Variants in FAM83E observed in about 807,000 individuals in gnomAD.
FAM83E encodes the protein scaffolding CK1 anchoring protein E.
FAM83E carries 29 observed loss-of-function variants against 34.3 expected under a neutral mutation model. That is an observed-to-expected ratio of 0.85 (90% CI 0.63 to 1.15). The LOEUF (loss-of-function observed/expected upper bound fraction) is 1.15. Ranked by LOEUF, FAM83E falls within the 50% of genes most tolerant of loss-of-function variation. FAM83E has a pLI of 0.00. For synonymous variants in FAM83E, 312 were observed against 311.6 expected (o/e 1.00, Z -0.01); for missense variants, 697 against 685.0 (o/e 1.02, Z -0.20).
At chr19:48,611,312 G>T (rs1347556144) in intron 3 of FAM83E, among the ~76,000 whole-genome samples, 1 of 151,960 alleles carries the variant, frequency 6.6e-6, no homozygotes, top group African/African-American at 2.4e-5. Context: ...GGGACTACAG[G>T]CGCCCACCAC....
chr19:48,607,661 A>C, intron 5 of FAM83E: 1 of 376,658 alleles, frequency 2.7e-6, no homozygotes, highest in Non-Finnish European at 4.9e-6. Context: ...GAGTCCATGA[A>C]ATATGGTAAA....
Position 48,613,237 on chromosome 19 carries a change from A to T in FAM83E, c.136T>A (p.Phe46Ile). 6.2e-7 allele frequency: 1 copy of T among 1,610,458 alleles called. No homozygotes were observed. The highest frequency in any genetic ancestry group is 8.5e-7 in the Non-Finnish European group (1 of 1,179,904). ...EALLSKGAEA[F>I]QTCVQREELW... ...TCCTCGCGCTGCACGCAGGTCTGGA[A>T]CGCCTCCGCGCCCTTGCTCAACAGA... is the stretch of plus-strand genomic sequence containing the variant. Residue 46 changes from phenylalanine (F) to isoleucine (I), a missense_variant, in exon 3 of 7, where the codon TTC (phenylalanine) becomes ATC (isoleucine). Transcript: ENST00000263266.
intron 5 of FAM83E, chr19:48,607,032 G>T: frequency 6.2e-7 from 1 of 1,611,946 alleles, no homozygotes. Flanking sequence ...CAGGCACGAC[G>T]GGCGTCAAGG....
intron 3 of FAM83E, 74 bp from the exon 4 acceptor site, chr19:48,610,921 C>A: frequency 6.8e-7 from 1 of 1,462,522 alleles, no homozygotes; most frequent in Non-Finnish European, 9.3e-7. Context: ...GTGTGGGAAA[C>A]CTGACATCTG....
Position 48,613,042 on chromosome 19 carries a change from C to G in FAM83E, c.331G>C (p.Val111Leu), listed in dbSNP as rs749303679. 5.0e-6 allele frequency: 8 copies of G among 1,602,076 alleles called. No homozygotes were observed. The highest frequency in any genetic ancestry group is 6.8e-6 in the Non-Finnish European group (8 of 1,175,614). The change falls in exon 3 of 7, where the codon GTC (valine) becomes CTC (leucine). Residue 111 changes from valine (V) to leucine (L), a missense_variant. Val to Leu is a conservative substitution (Grantham distance 32, BLOSUM62 1). Coordinates refer to ENST00000263266, the MANE Select transcript of FAM83E (RefSeq NM_017708.4). ...TCCACTGGCCAGCCCAGCCGCAGGACGGGCGCCGGCTGCTCCGACTGCCCA... is the reference window on the plus strand; with the variant it reads ...TCCACTGGCCAGCCCAGCCGCAGGAGGGGCGCCGGCTGCTCCGACTGCCCA... ...WPGQSEQPAPVLRLGWPVDSA... is the reference protein window; with the variant it reads ...WPGQSEQPAPLLRLGWPVDSA...
In FAM83E at chr19:48,614,740, C is replaced by T. The variant is rs1276406732; in HGVS notation, c.-1288G>A. The T allele has an allele frequency of 1.4e-5, 14 of 985,098 alleles. No homozygotes were observed. Among genetic ancestry groups the T allele is most frequent in the Non-Finnish European group, 1.6e-5 (13 of 830,006 alleles). 61.0% of individuals were successfully genotyped at this position (985,098 alleles called of 1,614,324 possible). ...GGCTAGTGCCGGGCTCAATGGCCTCCCTTCCAGTGCCTGCTTTTTCCGAGA... is the reference window on the plus strand; with the variant it reads ...GGCTAGTGCCGGGCTCAATGGCCTCTCTTCCAGTGCCTGCTTTTTCCGAGA... On this transcript the variant is annotated 5_prime_UTR_variant, in exon 2 of 7. Transcript: ENST00000263266.
At chr19:48,611,007 C>G (rs778996712) in intron 3 of FAM83E, among the ~76,000 whole-genome samples, 160 bp from the exon 4 acceptor site, 7 of 152,290 alleles carry the variant, frequency 4.6e-5, no homozygotes, top group South Asian at 2.1e-4. Flanking sequence ...CCCAGACATA[C>G]ACTGCTGCTC....
intron 6 of FAM83E, among the ~76,000 whole-genome samples, chr19:48,602,089 C>T (rs1973825957): frequency 7.0e-6 from 1 of 142,220 alleles, no homozygotes; most frequent in Admixed American, 7.4e-5. Context: ...CTGCAGTGAG[C>T]CGAGATCATG....
chr19:48,607,378 A>G, intron 5 of FAM83E: 1 of 1,553,514 alleles, frequency 6.4e-7, no homozygotes, highest in Non-Finnish European at 8.7e-7. Flanking sequence ...AGGGCCTGGG[A>G]CTGTTCTCCC....
Position 48,613,310 on chromosome 19 carries a change from G to T in FAM83E, c.63C>A (p.Ala21=). 1 of 1,601,858 alleles carries T rather than the reference G, an allele frequency of 6.2e-7. No homozygotes were observed. The highest frequency in any genetic ancestry group is 8.5e-7 in the Non-Finnish European group (1 of 1,176,660). ...GVDSGPRVPG[A]SPGFLYSEGQ... is the part of the protein sequence containing the mutation. ...CCTCGGAATATAGAAAGCCGGGGCT[G>T]GCCCCGGGCACCCTGGGACCGGAGT... is the stretch of plus-strand genomic sequence containing the variant. The change falls in exon 3 of 7, where the codon GCC becomes GCA. Residue 21 remains alanine (A), a synonymous_variant. Coordinates refer to ENST00000263266, the MANE Select transcript of FAM83E (RefSeq NM_017708.4).
chr19:48,612,789 G>C (rs1378520783), intron 3 of FAM83E, 119 bp downstream of exon 3: 4 of 1,202,496 alleles, frequency 3.3e-6, no homozygotes, highest in Non-Finnish European at 4.5e-6. Context: ...CTGGGTCCCA[G>C]GGGTATAGGT....
intron 5 of FAM83E, chr19:48,607,581 T>G: frequency 3.4e-6 from 2 of 583,038 alleles, no homozygotes; most frequent in Non-Finnish European, 6.2e-6. Context: ...ATTACTCTGT[T>G]CCACTGGTTC....
intron 5 of FAM83E, chr19:48,607,335 T>C (rs749904806): frequency 6.3e-7 from 1 of 1,591,586 alleles, no homozygotes; most frequent in Non-Finnish European, 8.6e-7. Flanking sequence ...GTATGCTGCT[T>C]CCTCCACGTT....
At position 48,603,618 on chromosome 19, in the gene FAM83E, C is replaced by T. The variant is rs536095926; in HGVS notation, c.1052G>A (p.Ser351Asn). The change falls in exon 6 of 7, where the codon AGT becomes AAT. Residue 351 changes from serine to asparagine, a missense_variant. Physicochemically the swap from Ser to Asn is conservative, Grantham distance 46. Coordinates refer to ENST00000263266, the MANE Select transcript of FAM83E (RefSeq NM_017708.4). ...VSPATPGPALSDILRSVQRAR... is the reference protein window; with the variant it reads ...VSPATPGPALNDILRSVQRAR... ...GCGCTGCACACTCCTTAGAATGTCA[C>T]TGAGTGCCGGCCCCGGGGTAGCAGG... is the stretch of plus-strand genomic sequence containing the variant. 5 of 1,451,154 alleles carry T rather than the reference C, an allele frequency of 3.4e-6. No individual in the cohort carries two copies. The highest frequency in any genetic ancestry group is 2.6e-5 in the Admixed American group (1 of 38,074). 89.9% of individuals were successfully genotyped at this position (1,451,154 alleles called of 1,614,324 possible). A position where few individuals can be genotyped will look rare whatever the true frequency, so the allele number is the denominator to read the frequency against.
At chr19:48,606,415 C>T (rs1456487752) in intron 5 of FAM83E, among the ~76,000 whole-genome samples, 1 of 151,944 alleles carries the variant, frequency 6.6e-6, no homozygotes, top group African/African-American at 2.4e-5. Flanking sequence ...ATTCAATGAA[C>T]CTGGCTCTCA....
intron 3 of FAM83E, among the ~76,000 whole-genome samples, chr19:48,612,661 CAA>C (rs57043212): frequency 0.27 from 41,263 of 151,812 alleles, 6,056 homozygotes; most frequent in East Asian, 0.48. Flanking sequence ...CTCGGCCTCC[CAA>C]AGTGCTGGAA....
intron 6 of FAM83E, 126 bp downstream of exon 6, chr19:48,603,368 T>A: frequency 3.4e-6 from 3 of 873,892 alleles, no homozygotes; most frequent in South Asian, 5.4e-5. Context: ...AATTTAGGGG[T>A]GCAGGCCCTC....
intron 5 of FAM83E, 69 bp downstream of exon 5, chr19:48,609,807 T>C: frequency 6.5e-7 from 1 of 1,538,024 alleles, no homozygotes; most frequent in East Asian, 2.3e-5. Flanking sequence ...TGCCAGCTGT[T>C]CTCTGAGCAC....
intron 6 of FAM83E, among the ~76,000 whole-genome samples, chr19:48,602,344 G>A (rs1001058743): frequency 1.4e-4 from 21 of 150,780 alleles, no homozygotes; most frequent in Non-Finnish European, 5.9e-5. Context: ...AGAAAGGAGA[G>A]GGATGCAGAG....
Sources: allele counts gnomAD v4.1 joint callset (sites outside exome capture counted in the v4.1 genomes callset), GRCh38; gene constraint gnomAD v4.1.1; transcripts MANE v1.5; gene names NCBI Gene and HGNC (gene_info 2026-07-23, HGNC 2026-07-21).